The following VAMP5 variants were observed in gnomAD, a reference collection of about 807,000 sequenced individuals.
VAMP5 encodes vesicle-associated membrane protein 5.
Under a neutral mutation model 8.1 loss-of-function variants are expected in VAMP5, and 10 were observed. The observed-to-expected ratio is 1.23, with a 90% CI of 0.76 to 2.09. VAMP5 has a LOEUF of 2.09. Among genes scored for constraint, VAMP5 ranks in the 30% most tolerant of loss-of-function variants. The pLI, the probability that VAMP5 is intolerant of heterozygous loss-of-function variation, is 0.00. For missense variants in VAMP5, 135 were observed against 152.5 expected (o/e 0.89, Z 0.60); for synonymous variants, 62 against 60.6 (o/e 1.02, Z -0.11).
chr2:85,588,611 A>G (rs937018949), intron 1 of VAMP5, among the ~76,000 whole-genome samples: 1 of 151,868 alleles, frequency 6.6e-6, no homozygotes, highest in Non-Finnish European at 1.5e-5. Context: ...TCTTACTTCT[A>G]TCTGTGCCTG....
At chr2:85,585,851 C>T (rs577871067) in intron 1 of VAMP5, among the ~76,000 whole-genome samples, 5 of 152,292 alleles carry the variant, frequency 3.3e-5, no homozygotes, top group Non-Finnish European at 5.9e-5. Context: ...CTCCCTGGTC[C>T]TTCTTCCTTT....
At chr2:85,588,489 C>T (rs1024486066) in intron 1 of VAMP5, among the ~76,000 whole-genome samples, 3 of 152,084 alleles carry the variant, frequency 2.0e-5, no homozygotes, top group Admixed American at 1.3e-4. Context: ...CTGTCTCACC[C>T]TTCTTCCTTT....
Position 85,584,495 on chromosome 2 carries a change from T to C in VAMP5, c.3+2T>C, listed in dbSNP as rs1573348522. ...GAGGCGGCGGCGGCAGCAGCGATGGTGAGGGCCCAGGCGGGGCCGGCCAGC... is the reference window on the plus strand; with the variant it reads ...GAGGCGGCGGCGGCAGCAGCGATGGCGAGGGCCCAGGCGGGGCCGGCCAGC... On this transcript the variant is annotated splice_donor_variant, in intron 1 of 2. Coordinates refer to ENST00000306384, the MANE Select transcript of VAMP5 (RefSeq NM_006634.3). LOFTEE classifies it high-confidence loss of function. 1 of 1,241,620 alleles carries C rather than the reference T, an allele frequency of 8.1e-7. No homozygotes were observed. The highest frequency in any genetic ancestry group is 3.1e-5 in the East Asian group (1 of 31,804). 76.9% of individuals were successfully genotyped at this position (1,241,620 alleles called of 1,614,324 possible). A position where few individuals can be genotyped will look rare whatever the true frequency, so the allele number is the denominator to read the frequency against.
chr2:85,589,689 G>C (rs1484938167), intron 1 of VAMP5, among the ~76,000 whole-genome samples: 1 of 152,054 alleles, frequency 6.6e-6, no homozygotes, highest in Admixed American at 6.6e-5. Flanking sequence ...ATGGAGTCTT[G>C]CTCTGTTGCC....
At chr2:85,584,713 C>T (rs1223808263) in intron 1 of VAMP5, among the ~76,000 whole-genome samples, 1 of 152,240 alleles carries the variant, frequency 6.6e-6, no homozygotes, top group African/African-American at 2.4e-5. Context: ...GGCTGCACCG[C>T]GCAGAGCGAG....
At chr2:85,584,596 G>A in intron 1 of VAMP5, 103 bp downstream of exon 1, 2 of 1,209,884 alleles carry the variant, frequency 1.7e-6, no homozygotes, top group Non-Finnish European at 2.1e-6. Context: ...CCTCCCCTGG[G>A]GCCCACGAGG....
chr2:85,586,095 T>C (rs1297903012), intron 1 of VAMP5, among the ~76,000 whole-genome samples: 2 of 152,218 alleles, frequency 1.3e-5, no homozygotes, highest in Non-Finnish European at 2.9e-5. Context: ...ATTAGGTTGG[T>C]AGCATCAACC....
Position 85,584,481 on chromosome 2 carries a change from G to GGCA in VAMP5, c.-4_-2dup, listed in dbSNP as rs1440041649. The stretch of plus-strand genomic sequence containing the variant: ...AGCCGGGAGCGGGCGAGGCGGCGGC[G>GGCA]GCAGCAGCGATGGTGAGGGCCCAGG... On this transcript the variant is annotated 5_prime_UTR_variant, in exon 1 of 3. Transcript: ENST00000306384. 11 of 1,243,212 alleles carry GGCA rather than the reference G, an allele frequency of 8.8e-6. No homozygotes were observed. In the African/African-American group the frequency reaches 1.5e-4, roughly 17 times the overall value. The allele number at this position is 1,243,212 out of a possible 1,614,324, so 77.0% of individuals were successfully genotyped here.
chr2:85,591,182 T>C (rs1018284779), intron 1 of VAMP5, among the ~76,000 whole-genome samples: 1 of 152,226 alleles, frequency 6.6e-6, no homozygotes, highest in African/African-American at 2.4e-5. Flanking sequence ...AAGAGGAAGA[T>C]CTGAGCTTCT....
At chr2:85,585,406 G>GACA (rs1329144557) in intron 1 of VAMP5, among the ~76,000 whole-genome samples, 28 of 152,364 alleles carry the variant, frequency 1.8e-4, no homozygotes, top group African/African-American at 5.8e-4. Flanking sequence ...TGATGGATGT[G>GACA]GCCTGGCTAG....
intron 1 of VAMP5, chr2:85,591,452 T>A: frequency 2.3e-6 from 1 of 428,702 alleles, no homozygotes. Context: ...TTGGGACAGC[T>A]TAGAGGAAGC....
At chr2:85,586,449 G>C (rs555082359) in intron 1 of VAMP5, among the ~76,000 whole-genome samples, 6 of 152,168 alleles carry the variant, frequency 3.9e-5, no homozygotes, top group African/African-American at 1.2e-4. Flanking sequence ...GGTGGCACAC[G>C]CCTGTAGTCC....
At chr2:85,592,922 C>T (rs1435130521) in intron 2 of VAMP5, 26 bp from the exon 3 acceptor site, 1 of 1,612,624 alleles carries the variant, frequency 6.2e-7, no homozygotes. Context: ...AGCTAACTCC[C>T]ACTTTGTGTC....
chr2:85,591,217 CAG>C lies in VAMP5; in HGVS notation c.4-504_4-503del, dbSNP rs1359967060. On this transcript the variant is annotated intron_variant, in intron 1 of 2. Transcript: ENST00000306384. ...TCAGTTTGGGGATAGAGGGGTTAGG[CAG>C]AGACTATGATGTGTGCTGCTTCAAA... is the stretch of plus-strand genomic sequence containing the variant. Among the ~76,000 whole-genome samples, 28 of 152,226 alleles carry C rather than the reference CAG, an allele frequency of 1.8e-4. 1 individual carries two copies. Among genetic ancestry groups the C allele is most frequent in the Admixed American group, 1.6e-3 (25 of 15,282 alleles).
intron 1 of VAMP5, among the ~76,000 whole-genome samples, chr2:85,585,144 A>G (rs1419589352): frequency 1.3e-5 from 2 of 152,230 alleles, no homozygotes; most frequent in Non-Finnish European, 2.9e-5. Flanking sequence ...TGAAAGTTCC[A>G]CTGAAGTTAT....
rs1672576129 is a variant in VAMP5, at chr2:85,593,205, T to G, written c.*48T>G. Reference sequence around the variant, plus strand: ...GCCAAATGGCTGCACTGGCCGATTCTGGTCTCCAGAGGACCTTGGTGTTTG... The same window carrying G: ...GCCAAATGGCTGCACTGGCCGATTCGGGTCTCCAGAGGACCTTGGTGTTTG... On this transcript the variant is annotated 3_prime_UTR_variant, in exon 3 of 3. Transcript: ENST00000306384. The G allele has an allele frequency of 6.2e-6, 10 of 1,603,136 alleles. No homozygotes were observed. Among genetic ancestry groups the G allele is most frequent in the Non-Finnish European group, 8.5e-6 (10 of 1,174,168 alleles).
chr2:85,586,497 A>G (rs1459689444), intron 1 of VAMP5, among the ~76,000 whole-genome samples: 1 of 151,942 alleles, frequency 6.6e-6, no homozygotes, highest in African/African-American at 2.4e-5. Flanking sequence ...AATCGCTTGA[A>G]CCTGGGAGGC....
At chr2:85,590,330 C>T (rs572746758) in intron 1 of VAMP5, among the ~76,000 whole-genome samples, 79 of 152,322 alleles carry the variant, frequency 5.2e-4, no homozygotes, top group African/African-American at 1.8e-3. Context: ...AATTGGCCCA[C>T]TCACTGATTC....
rs1672579946 is a variant in VAMP5 at position 85,593,388 on chromosome 2, T to C, written c.*231T>C. On this transcript the variant is annotated 3_prime_UTR_variant, in exon 3 of 3. Coordinates refer to ENST00000306384, the MANE Select transcript of VAMP5 (RefSeq NM_006634.3). ...GAGCTCAGTAAAAACTGCTGTTTGA[T>C]TAAAAGCTGGTATCTGTGTGTGAAG... is the stretch of plus-strand genomic sequence containing the variant. The C allele has an allele frequency of 3.5e-6, 2 of 577,016 alleles. No homozygotes were observed. Among genetic ancestry groups the C allele is most frequent in the Non-Finnish European group, 3.1e-6 (1 of 322,712 alleles). 35.7% of individuals were successfully genotyped at this position (577,016 alleles called of 1,614,324 possible).
Sources: allele counts gnomAD v4.1 joint callset (sites outside exome capture counted in the v4.1 genomes callset), GRCh38; gene constraint gnomAD v4.1.1; transcripts MANE v1.5; gene names NCBI Gene and HGNC (gene_info 2026-07-23, HGNC 2026-07-21).